Variants in ADARB1 observed in about 807,000 individuals in gnomAD.
ADARB1 encodes the protein adenosine deaminase RNA specific B1.
Under a neutral mutation model 52.4 loss-of-function variants are expected in ADARB1, and 10 were observed. The observed-to-expected ratio is 0.19, with a 90% CI of 0.12 to 0.32. The LOEUF is 0.32. Ranked by LOEUF, ADARB1 falls within the 10% of genes least tolerant of loss-of-function variation. The pLI, the probability that ADARB1 is intolerant of heterozygous loss-of-function variation, is 1.00. For synonymous variants in ADARB1, 349 were observed against 371.1 expected (o/e 0.94, Z 0.68); for missense variants, 643 against 922.3 (o/e 0.70, Z 3.92).
chr21:45,179,629 C>A (rs1334380849), intron 4 of ADARB1, among the ~76,000 whole-genome samples: 1 of 152,162 alleles, frequency 6.6e-6, no homozygotes, highest in Non-Finnish European at 1.5e-5. Context: ...TGCAGGTGTT[C>A]CGAACGTCTA....
rs79321999 is a variant in ADARB1 at position 45,109,921 on chromosome 21, G to A, written c.-219-18481G>A. Among the ~76,000 whole-genome samples the A allele has an allele frequency of 9.3e-3, 1,416 of 152,124 alleles. 16 individuals are homozygous for A. The highest frequency in any genetic ancestry group is 0.02 in the Middle Eastern group (6 of 294). On this transcript the variant is annotated intron_variant, in intron 1 of 10. Transcript: ENST00000348831. ...AGGCGCCTTTCTCTCTCTTTTTGTC[G>A]CTATAGACATTAGTGGAAAGCCACA...
chr21:45,126,265 C>T (rs1475484905), intron 1 of ADARB1, among the ~76,000 whole-genome samples: 3 of 152,090 alleles, frequency 2.0e-5, no homozygotes, highest in Non-Finnish European at 4.4e-5. Flanking sequence ...GCTCATGTGT[C>T]CTTGAGGAGC....
intron 7 of ADARB1, 24 bp downstream of exon 7, chr21:45,183,534 A>G (rs775732372): frequency 1.2e-6 from 2 of 1,608,874 alleles, no homozygotes; most frequent in Admixed American, 3.4e-5. Context: ...TTCTTCAACA[A>G]GCCAGTTTCT....
chr21:45,164,947 A>C (rs1010362774), intron 2 of ADARB1, among the ~76,000 whole-genome samples: 5 of 152,112 alleles, frequency 3.3e-5, no homozygotes, highest in African/African-American at 1.2e-4. Context: ...GGCTGCAGCG[A>C]GGTGACAGGA....
intron 1 of ADARB1, among the ~76,000 whole-genome samples, chr21:45,090,690 C>T (rs1014857603): frequency 6.6e-6 from 1 of 152,174 alleles, no homozygotes; most frequent in Admixed American, 6.5e-5. Context: ...CTTCCTGGTA[C>T]CTGTGCAGCT....
intron 1 of ADARB1, among the ~76,000 whole-genome samples, chr21:45,105,344 T>C (rs917809565): frequency 4.6e-5 from 7 of 152,208 alleles, no homozygotes; most frequent in Admixed American, 2.6e-4. Context: ...TCAGATGATC[T>C]GCCTGCCTTG....
chr21:45,185,973 A>G (rs559747129), intron 8 of ADARB1, among the ~76,000 whole-genome samples: 1 of 152,198 alleles, frequency 6.6e-6, no homozygotes, highest in South Asian at 2.1e-4. Context: ...GGCAACCTCA[A>G]GTACAGGGAG....
At chr21:45,202,689 A>C (rs1295055265) in intron 8 of ADARB1, among the ~76,000 whole-genome samples, 2 of 152,026 alleles carry the variant, frequency 1.3e-5, no homozygotes, top group Non-Finnish European at 2.9e-5. Context: ...GTCGACCTTC[A>C]TTTCTGACCT....
Position 45,223,934 on chromosome 21 carries a change from G to A in ADARB1, c.*1737G>A, listed in dbSNP as rs1039091514. 6.4e-5 allele frequency: 63 copies of A among 985,576 alleles called. No homozygotes were observed. In the African/African-American group the frequency reaches 7.8e-4, roughly 12 times the overall value. 61.1% of individuals were successfully genotyped at this position (985,576 alleles called of 1,614,324 possible). On this transcript the variant is annotated 3_prime_UTR_variant, in exon 11 of 11. Transcript: ENST00000348831. ...CCCCACAGCAGCCTCCTCCTCCACC[G>A]AAGAGGGTAGTTGTCTCCCTGAAGC...
chr21:45,204,243 G>C lies in ADARB1; in HGVS notation c.1566-312G>C, dbSNP rs2092621481. Among the ~76,000 whole-genome samples, 1 of 152,214 alleles carries C rather than the reference G, an allele frequency of 6.6e-6. No homozygotes were observed. Among genetic ancestry groups the C allele is most frequent in the African/African-American group, 2.4e-5 (1 of 41,456 alleles). On this transcript the variant is annotated intron_variant, in intron 8 of 10. Coordinates refer to ENST00000348831, the MANE Select transcript of ADARB1 (RefSeq NM_001112.4). The surrounding 1 kb of genome is among the most constrained non-coding windows in gnomAD (Gnocchi z 4.4). ...AGTGAAACCTCAGATAAGGGGACCTGCTATAATTAAATATGTAATTTCCTT... is the reference window on the plus strand; with the variant it reads ...AGTGAAACCTCAGATAAGGGGACCTCCTATAATTAAATATGTAATTTCCTT...
chr21:45,120,290 G>T (rs1041840405), intron 1 of ADARB1, among the ~76,000 whole-genome samples: 3 of 152,180 alleles, frequency 2.0e-5, no homozygotes, highest in Non-Finnish European at 4.4e-5. Context: ...CACACTTGTG[G>T]GGTATTGGGT....
rs972960477 is a variant in ADARB1 at position 45,096,350 on chromosome 21, T to C, written c.-220+21557T>C. On this transcript the variant is annotated intron_variant, in intron 1 of 10. Coordinates refer to ENST00000348831, the MANE Select transcript of ADARB1 (RefSeq NM_001112.4). ...CCCCCTCTGCTCTGAGGAAGGGTTTTGCATATCTCCTGTTGGAAGTCTGGA... is the reference window on the plus strand; with the variant it reads ...CCCCCTCTGCTCTGAGGAAGGGTTTCGCATATCTCCTGTTGGAAGTCTGGA... Among the ~76,000 whole-genome samples the C allele has an allele frequency of 3.2e-4, 49 of 152,364 alleles. 1 individual carries two copies. Among genetic ancestry groups the C allele is most frequent in the African/African-American group, 1.1e-3 (44 of 41,594 alleles).
At chr21:45,103,976 G>C (rs2087137045) in intron 1 of ADARB1, among the ~76,000 whole-genome samples, 1 of 152,060 alleles carries the variant, frequency 6.6e-6, no homozygotes, top group African/African-American at 2.4e-5. Flanking sequence ...CTTTGGTTTT[G>C]AAAACCGAGT....
At chr21:45,218,386 G>A (rs922127306) in intron 9 of ADARB1, among the ~76,000 whole-genome samples, 16 of 152,166 alleles carry the variant, frequency 1.1e-4, no homozygotes, top group African/African-American at 3.4e-4. Context: ...TAGAAATTTG[G>A]CTTAGGCCTT....
At chr21:45,102,679 A>G (rs1430546370) in intron 1 of ADARB1, among the ~76,000 whole-genome samples, 1 of 152,222 alleles carries the variant, frequency 6.6e-6, no homozygotes, top group Admixed American at 6.5e-5. Context: ...ACAAAGTAGT[A>G]TTGGATTATA....
chr21:45,077,686 AAAAG>A (rs907557113), intron 1 of ADARB1, among the ~76,000 whole-genome samples: 4 of 152,098 alleles, frequency 2.6e-5, no homozygotes, highest in South Asian at 2.1e-4. Flanking sequence ...AAAGAAAAGA[AAAAG>A]AAAACTCAGT....
chr21:45,087,405 C>A (rs1165428135), intron 1 of ADARB1, among the ~76,000 whole-genome samples: 2 of 152,174 alleles, frequency 1.3e-5, no homozygotes, highest in Non-Finnish European at 2.9e-5. Context: ...TACCAAAGAA[C>A]ATCTAAATGC....
chr21:45,127,989 C>T (rs1011321439), intron 1 of ADARB1, among the ~76,000 whole-genome samples: 1 of 152,138 alleles, frequency 6.6e-6, no homozygotes, highest in Non-Finnish European at 1.5e-5. Context: ...GGGCAGAGCA[C>T]GTGCAGGGAT....
chr21:45,192,024 T>A (rs1246907872), intron 8 of ADARB1, among the ~76,000 whole-genome samples: 1 of 151,636 alleles, frequency 6.6e-6, no homozygotes, highest in Non-Finnish European at 1.5e-5. Flanking sequence ...CTAGAACAAA[T>A]TTTTAGCCTT....
Sources: gnomAD v4.1 joint callset for allele counts (sites outside exome capture counted in the v4.1 genomes callset) on GRCh38, gnomAD v4.1.1 for gene constraint, Gnocchi (gnomAD v3.1) non-coding constraint, MANE v1.5 for transcripts, NCBI Gene and HGNC (gene_info 2026-07-23, HGNC 2026-07-21) for gene names.